Variants in ULK4 observed in about 807,000 individuals in gnomAD.
The protein encoded by ULK4 is unc-51 like kinase 4, also known as inactive serine/threonine-protein kinase ULK4.
ULK4 carries 133 observed loss-of-function variants against 160.6 expected under a neutral mutation model. The ratio of observed to expected loss-of-function variants is 0.83; its 90% CI spans 0.72 to 0.96. ULK4 has a LOEUF of 0.96. Ranked by LOEUF, ULK4 falls within the 40% of genes least tolerant of loss-of-function variation. ULK4 has a pLI of 0.00. For missense variants in ULK4, 1,580 were observed against 1,499.5 expected (o/e 1.05, Z -0.89); for synonymous variants, 534 against 539.8 (o/e 0.99, Z 0.15).
chr3:41,693,222 T>C (rs2036370979), intron 27 of ULK4, among the ~76,000 whole-genome samples: 1 of 152,192 alleles, frequency 6.6e-6, no homozygotes, highest in African/African-American at 2.4e-5. Flanking sequence ...CATGCATTGC[T>C]GGTGAGAAAG....
intron 34 of ULK4, among the ~76,000 whole-genome samples, chr3:41,415,578 C>T (rs1229128960): frequency 6.6e-6 from 1 of 152,150 alleles, no homozygotes; most frequent in Non-Finnish European, 1.5e-5. Flanking sequence ...TATTCACTGC[C>T]TATTTTCAAA....
intron 35 of ULK4, among the ~76,000 whole-genome samples, chr3:41,289,883 G>T (rs1420940447): frequency 6.6e-6 from 1 of 152,028 alleles, no homozygotes; most frequent in South Asian, 2.1e-4. Context: ...ATGTGTGTGT[G>T]TGTGTATGTG....
intron 31 of ULK4, among the ~76,000 whole-genome samples, chr3:41,572,637 G>C (rs2088020748): frequency 6.6e-6 from 1 of 151,660 alleles, no homozygotes. Flanking sequence ...ATGGTGGCGG[G>C]TGCCTGTAGT....
At chr3:41,551,227 C>A (rs2087051571) in intron 32 of ULK4, among the ~76,000 whole-genome samples, 1 of 150,970 alleles carries the variant, frequency 6.6e-6, no homozygotes, top group Admixed American at 6.6e-5. Flanking sequence ...CCTAAAGAAA[C>A]CAGAAAAGAA....
At chr3:41,393,340 C>T (rs887991772) in intron 35 of ULK4, among the ~76,000 whole-genome samples, 33 of 152,124 alleles carry the variant, frequency 2.2e-4, no homozygotes, top group African/African-American at 7.5e-4. Context: ...TCAACAATGT[C>T]TAAACTCTAA....
chr3:41,361,844 T>G (rs752145456), intron 35 of ULK4, among the ~76,000 whole-genome samples: 5 of 152,190 alleles, frequency 3.3e-5, no homozygotes, highest in Admixed American at 2.6e-4. Context: ...TCTAGGGAAG[T>G]CAGCTGTTTT....
intron 27 of ULK4, 40 bp downstream of exon 27, chr3:41,705,017 A>T: frequency 6.5e-7 from 1 of 1,527,588 alleles, no homozygotes. Context: ...TTACCAAGTA[A>T]ATTTAAAAGG....
intron 35 of ULK4, among the ~76,000 whole-genome samples, chr3:41,323,783 G>A (rs2080290807): frequency 6.6e-6 from 1 of 152,082 alleles, no homozygotes; most frequent in Admixed American, 6.6e-5. Flanking sequence ...TGAGTCAACA[G>A]AAAGTAACAA....
At chr3:41,836,144 T>C (rs957699210) in intron 17 of ULK4, among the ~76,000 whole-genome samples, 173 bp from the exon 18 acceptor site, 2 of 152,182 alleles carry the variant, frequency 1.3e-5, no homozygotes, top group Non-Finnish European at 1.5e-5. Context: ...CTCTCCCAGA[T>C]GAAGTTTAGA....
In ULK4 at chr3:41,442,511, A is replaced by G. The variant is rs570056843; in HGVS notation, c.3492+12986T>C. ...AAGGACCACAAAAATGACCATGCAAAGTTAAAACATGCAAAATAATCTTAA... is the reference window on the plus strand; with the variant it reads ...AAGGACCACAAAAATGACCATGCAAGGTTAAAACATGCAAAATAATCTTAA... On this transcript the variant is annotated intron_variant, in intron 34 of 36. Coordinates refer to ENST00000301831, the MANE Select transcript of ULK4 (RefSeq NM_017886.4). 8.5e-5 allele frequency among the ~76,000 whole-genome samples: 13 copies of G among 152,314 alleles called. No homozygotes were observed. The South Asian group carries it at 2.3e-3, about 27-fold the overall frequency.
intron 32 of ULK4, among the ~76,000 whole-genome samples, chr3:41,558,556 T>A (rs2087399173): frequency 6.6e-6 from 1 of 151,734 alleles, no homozygotes; most frequent in African/African-American, 2.4e-5. Context: ...ATACAAAAAT[T>A]AGCCGGGCAT....
intron 21 of ULK4, among the ~76,000 whole-genome samples, chr3:41,786,788 A>G (rs1403464851): frequency 6.6e-6 from 1 of 152,176 alleles, no homozygotes; most frequent in East Asian, 1.9e-4. Flanking sequence ...ACTACTAAGT[A>G]CAGCCAAAAA....
At chr3:41,394,114 A>G (rs758912411) in intron 35 of ULK4, among the ~76,000 whole-genome samples, 6 of 152,134 alleles carry the variant, frequency 3.9e-5, no homozygotes, top group Non-Finnish European at 7.4e-5. Flanking sequence ...CAACTTTTAC[A>G]CGTCAGACAC....
chr3:41,762,732 G>A (rs1239867823), intron 21 of ULK4, among the ~76,000 whole-genome samples: 1 of 143,368 alleles, frequency 7.0e-6, no homozygotes, highest in Non-Finnish European at 1.5e-5. Flanking sequence ...GCATGATATC[G>A]GCTCACTGCA....
chr3:41,539,507 A>C (rs1049176669), intron 32 of ULK4, among the ~76,000 whole-genome samples: 3 of 151,284 alleles, frequency 2.0e-5, no homozygotes, highest in Non-Finnish European at 4.4e-5. Context: ...TGTGGTTTCT[A>C]CTTCACTCTA....
chr3:41,714,217 G>A (rs550729188), intron 25 of ULK4, among the ~76,000 whole-genome samples: 6 of 152,210 alleles, frequency 3.9e-5, no homozygotes, highest in African/African-American at 1.2e-4. Flanking sequence ...GTACTCAAAT[G>A]ATAAAAATCT....
At chr3:41,824,622 G>T (rs377459651) in intron 18 of ULK4, among the ~76,000 whole-genome samples, 23 of 152,308 alleles carry the variant, frequency 1.5e-4, no homozygotes, top group East Asian at 7.7e-4. Context: ...TGGGGGAGGG[G>T]TGCCTACCAT....
intron 32 of ULK4, among the ~76,000 whole-genome samples, chr3:41,540,017 G>A (rs11129911): frequency 0.45 from 68,349 of 151,942 alleles, 16,061 homozygotes; most frequent in Middle Eastern, 0.54. Context: ...TTAAGGGTAG[G>A]ATTTTTGTTT....
rs1050527723 is a variant in ULK4 at position 41,803,783 on chromosome 3, A to C, written c.1849-3490T>G. 4.6e-4 allele frequency among the ~76,000 whole-genome samples: 70 copies of C among 152,070 alleles called. 1 individual carries two copies. The highest frequency in any genetic ancestry group is 2.0e-3 in the Admixed American group (31 of 15,262). Reference sequence around the variant, plus strand: ...AGTTTACTGAGAATGATGATTTCCAATTTCATCCATGTCCCTACAAAGGAC... The same window carrying C: ...AGTTTACTGAGAATGATGATTTCCACTTTCATCCATGTCCCTACAAAGGAC... On this transcript the variant is annotated intron_variant, in intron 19 of 36. Transcript: ENST00000301831.
Sources: gnomAD v4.1 joint callset for allele counts (sites outside exome capture counted in the v4.1 genomes callset) on GRCh38, gnomAD v4.1.1 for gene constraint, MANE v1.5 for transcripts, NCBI Gene and HGNC (gene_info 2026-07-23, HGNC 2026-07-21) for gene names.